The following ZNF528 variants were observed in gnomAD, a reference collection of about 807,000 sequenced individuals.
ZNF528 encodes the protein zinc finger protein 528.
A neutral mutation model predicts 13.3 loss-of-function variants in ZNF528; 9 were observed. The ratio of observed to expected loss-of-function variants is 0.67; its 90% CI spans 0.41 to 1.18. The LOEUF is 1.18. Ranked by LOEUF, ZNF528 falls within the 50% of genes most tolerant of loss-of-function variation. The pLI, the probability that ZNF528 is intolerant of heterozygous loss-of-function variation, is 0.01. For missense variants in ZNF528, 858 were observed against 745.4 expected (o/e 1.15, Z -1.76); for synonymous variants, 264 against 254.3 (o/e 1.04, Z -0.36).
At chr19:52,399,178 G>T (rs1027336244) in intron 2 of ZNF528, among the ~76,000 whole-genome samples, 1 of 152,118 alleles carries the variant, frequency 6.6e-6, no homozygotes, top group Non-Finnish European at 1.5e-5. Flanking sequence ...AAAAAGATGA[G>T]AATGAGAGAT....
rs2058986476 is a variant in ZNF528, at chr19:52,415,339, TATAGAA to T, written c.491_496del (p.Arg164_Asn165del). 2.5e-6 allele frequency: 4 copies of T among 1,611,830 alleles called. No individual in the cohort carries two copies. The highest frequency in any genetic ancestry group is 1.7e-5 in the Admixed American group (1 of 59,514). On this transcript the variant is annotated inframe_deletion, in exon 7 of 7. Transcript: ENST00000360465. ...TGTCAAATCCCACCTTTTAAATAAA[TATAGAA>T]ATAATTTTGATCATGCTCCATTACT... is the stretch of plus-strand genomic sequence containing the variant.
chr19:52,402,173 C>A, intron 4 of ZNF528, 145 bp downstream of exon 4: 1 of 1,195,790 alleles, frequency 8.4e-7, no homozygotes, highest in Non-Finnish European at 1.2e-6. Context: ...CCCTTCATTT[C>A]CGCTTGAGAT....
In ZNF528 at chr19:52,400,135, T is replaced by C. The variant is rs146896381; in HGVS notation, c.-137+1516T>C. 1.3e-3 allele frequency among the ~76,000 whole-genome samples: 203 copies of C among 152,032 alleles called. 4 individuals are homozygous for C. The East Asian group carries it at 0.035, about 26-fold the overall frequency. ...GCCAGCCCCATTCACTCTCTCCTGA[T>C]GCCACGGCATCCCTCCTCCACAGTG... On this transcript the variant is annotated intron_variant, in intron 2 of 6. Coordinates refer to ENST00000360465, the MANE Select transcript of ZNF528 (RefSeq NM_032423.3).
Position 52,417,151 on chromosome 19 carries a change from T to C in ZNF528, c.*412T>C. ...ATAAAGCATTCAATTATTTGGGGCT[T>C]ATAGAAAAGGCTACTTTACTCTTTG... On this transcript the variant is annotated 3_prime_UTR_variant, in exon 7 of 7. Transcript: ENST00000360465. 4.2e-6 allele frequency: 1 copy of C among 239,238 alleles called. No individual in the cohort carries two copies. Among genetic ancestry groups the C allele is most frequent in the Non-Finnish European group, 8.3e-6 (1 of 120,536 alleles). 14.8% of individuals were successfully genotyped at this position (239,238 alleles called of 1,614,324 possible). A position where few individuals can be genotyped will look rare whatever the true frequency, so the allele number is the denominator to read the frequency against.
Position 52,415,569 on chromosome 19 carries a change from G to A in ZNF528, c.717G>A (p.Lys239=), listed in dbSNP as rs781177176. 1.6e-5 allele frequency: 26 copies of A among 1,614,038 alleles called. No individual in the cohort carries two copies. Among genetic ancestry groups the A allele is most frequent in the Admixed American group, 3.3e-5 (2 of 60,018 alleles). ...VIHRRMHTGE[K]PYKCHECGKL... is the part of the protein sequence containing the mutation. The stretch of plus-strand genomic sequence containing the variant: ...ATCGAAGAATGCATACTGGAGAGAA[G>A]CCTTACAAATGTCATGAATGTGGCA... Residue 239 remains lysine, a synonymous_variant, in exon 7 of 7, where the codon AAG becomes AAA. Transcript: ENST00000360465.
In ZNF528 at chr19:52,399,564, G is replaced by A. The variant is rs149914835; in HGVS notation, c.-137+945G>A. The stretch of plus-strand genomic sequence containing the variant: ...GCAGAGGTTGCAGTGAGCCGAGATC[G>A]TGTCACTGCACTCCAGGTTAGGTGA... On this transcript the variant is annotated intron_variant, in intron 2 of 6. Coordinates refer to ENST00000360465, the MANE Select transcript of ZNF528 (RefSeq NM_032423.3). 3.6e-3 allele frequency among the ~76,000 whole-genome samples: 552 copies of A among 152,274 alleles called. 3 individuals carry two copies. Among genetic ancestry groups the A allele is most frequent in the African/African-American group, 0.012 (505 of 41,540 alleles).
intron 6 of ZNF528, among the ~76,000 whole-genome samples, chr19:52,407,533 T>TG (rs2058873334): frequency 6.6e-6 from 1 of 151,508 alleles, no homozygotes; most frequent in African/African-American, 2.4e-5. Flanking sequence ...CCCAGCACTT[T>TG]GTGGGGCTGA....
In ZNF528 at chr19:52,401,755, T is replaced by C; in HGVS notation, c.-68+2T>C. 6.8e-7 allele frequency: 1 copy of C among 1,460,326 alleles called. No homozygotes were observed. The highest frequency in any genetic ancestry group is 1.4e-5 in the African/African-American group (1 of 70,112). The allele number at this position is 1,460,326 out of a possible 1,614,324, so 90.5% of individuals were successfully genotyped here. On this transcript the variant is annotated splice_donor_variant, in intron 3 of 6. Coordinates refer to ENST00000360465, the MANE Select transcript of ZNF528 (RefSeq NM_032423.3). LOFTEE classifies it low-confidence loss of function (5UTR_SPLICE). ...GAAGGAATCCACTCAACAGACGAGG[T>C]ACCTTAACCACATAATGGTTGATTT... is the stretch of plus-strand genomic sequence containing the variant.
At chr19:52,402,347 G>A (rs1437413609) in intron 4 of ZNF528, 1 of 460,796 alleles carries the variant, frequency 2.2e-6, no homozygotes, top group South Asian at 3.4e-5. Context: ...TGGATGCACT[G>A]TCAGTGTTCT....
chr19:52,400,556 C>G (rs1310736252), intron 2 of ZNF528, among the ~76,000 whole-genome samples: 1 of 152,118 alleles, frequency 6.6e-6, no homozygotes, highest in Non-Finnish European at 1.5e-5. Flanking sequence ...AGGTCTTGCT[C>G]TGTCACCCAA....
intron 6 of ZNF528, among the ~76,000 whole-genome samples, chr19:52,409,324 A>T (rs2058900201): frequency 7.0e-6 from 1 of 143,642 alleles, no homozygotes; most frequent in African/African-American, 2.6e-5. Flanking sequence ...TTTGAGACGG[A>T]GTTTCACTCT....
At chr19:52,406,775 G>T in intron 6 of ZNF528, 132 bp downstream of exon 6, 1 of 1,220,394 alleles carries the variant, frequency 8.2e-7, no homozygotes. Flanking sequence ...GGACTTAAGG[G>T]ATCTCCCTGG....
chr19:52,416,997 C>G lies in ZNF528; in HGVS notation c.*258C>G, dbSNP rs1014162133. The G allele has an allele frequency of 2.5e-5, 11 of 446,592 alleles. No individual in the cohort carries two copies. The Admixed American group carries it at 4.1e-4, about 17-fold the overall frequency. The allele number at this position is 446,592 out of a possible 1,614,324, so 27.7% of individuals were successfully genotyped here. A position where few individuals can be genotyped will look rare whatever the true frequency, so the allele number is the denominator to read the frequency against. On this transcript the variant is annotated 3_prime_UTR_variant, in exon 7 of 7. Coordinates refer to ENST00000360465, the MANE Select transcript of ZNF528 (RefSeq NM_032423.3). ...ATTTACACAAGAAGTAACTCTGTCT[C>G]TGGTTCTCTGATACTAATCTATGAT...
rs775165507 is a variant in ZNF528, at chr19:52,405,993, G to C, written c.102G>C (p.Arg34Ser). 1 of 1,611,716 alleles carries C rather than the reference G, an allele frequency of 6.2e-7. No individual in the cohort carries two copies. The highest frequency in any genetic ancestry group is 8.5e-7 in the Non-Finnish European group (1 of 1,178,358). ...ACCCTGCGCAGAGGACTTTATACAG[G>C]GACGTGATGTTGGAGAATTATAGGA... ...CLDPAQRTLYRDVMLENYRNL... is the reference protein window; with the variant it reads ...CLDPAQRTLYSDVMLENYRNL... Residue 34 changes from arginine (R) to serine (S), a missense_variant, in exon 5 of 7, where the codon AGG becomes AGC. By Grantham distance (110) the Arg-to-Ser change is moderately radical (BLOSUM62 -1). Coordinates refer to ENST00000360465, the MANE Select transcript of ZNF528 (RefSeq NM_032423.3).
In ZNF528 at chr19:52,415,737, G is replaced by C. The variant is rs1385079932; in HGVS notation, c.885G>C (p.Lys295Asn). 1.2e-6 allele frequency: 2 copies of C among 1,613,714 alleles called. No individual in the cohort carries two copies. Among genetic ancestry groups the C allele is most frequent in the African/African-American group, 2.7e-5 (2 of 74,934 alleles). The change falls in exon 7 of 7, where the codon AAG becomes AAC. Residue 295 changes from lysine (K) to asparagine (N), a missense_variant. Coordinates refer to ENST00000360465, the MANE Select transcript of ZNF528 (RefSeq NM_032423.3). ...ATCAAAGAATTCATACTGGAGAGAA[G>C]CCTTACAAATGTCATGAATGTGACA... ...AQHQRIHTGE[K>N]PYKCHECDKV...
chr19:52,413,880 T>A (rs1459260528), intron 6 of ZNF528: 1 of 254,692 alleles, frequency 3.9e-6, no homozygotes, highest in African/African-American at 2.2e-5. Flanking sequence ...TTTTAATCCT[T>A]TTCCTGCTGT....
intron 4 of ZNF528, among the ~76,000 whole-genome samples, chr19:52,405,060 A>AG (rs2058838520): frequency 6.6e-6 from 1 of 151,862 alleles, no homozygotes; most frequent in East Asian, 2.0e-4. Flanking sequence ...TACTAAAAAT[A>AG]CAAAAAATTA....
intron 4 of ZNF528, among the ~76,000 whole-genome samples, chr19:52,405,492 C>T (rs544402918): frequency 1.3e-5 from 2 of 152,084 alleles, no homozygotes; most frequent in East Asian, 3.9e-4. Context: ...GATTGTGGCA[C>T]TGCACTCCAG....
At chr19:52,403,778 G>A (rs1193081055) in intron 4 of ZNF528, among the ~76,000 whole-genome samples, 2 of 151,852 alleles carry the variant, frequency 1.3e-5, no homozygotes, top group Non-Finnish European at 1.5e-5. Context: ...TGTGATGTGT[G>A]TGGATGAGTG....
Sources: allele counts gnomAD v4.1 joint callset (sites outside exome capture counted in the v4.1 genomes callset), GRCh38; gene constraint gnomAD v4.1.1; transcripts MANE v1.5; gene names NCBI Gene and HGNC (gene_info 2026-07-23, HGNC 2026-07-21).